The following AFF1 variants were observed in gnomAD, a reference collection of about 807,000 sequenced individuals.
AFF1 encodes the protein AF4/FMR2 family member 1.
In AFF1, 48 loss-of-function variants were observed where a neutral mutation model predicts 121.7. That is an observed-to-expected ratio of 0.39 (90% CI 0.31 to 0.50). The LOEUF (loss-of-function observed/expected upper bound fraction) is 0.50, where lower values mean the gene tolerates loss of function less well. AFF1 is among the 20% of genes least tolerant of loss of function. The pLI, the probability that AFF1 is intolerant of heterozygous loss-of-function variation, is 0.76. For missense variants in AFF1, 1,523 were observed against 1,511.7 expected (o/e 1.01, Z -0.12); for synonymous variants, 613 against 563.0 (o/e 1.09, Z -1.26).
intron 2 of AFF1, among the ~76,000 whole-genome samples, chr4:87,035,345 A>G (rs1201266813): frequency 6.6e-6 from 1 of 152,128 alleles, no homozygotes; most frequent in Non-Finnish European, 1.5e-5. Context: ...GCAGATCACG[A>G]GGTCAGGAGA....
At chr4:86,986,115 C>A (rs1224062765) in intron 2 of AFF1, among the ~76,000 whole-genome samples, 1 of 150,646 alleles carries the variant, frequency 6.6e-6, no homozygotes, top group Admixed American at 6.7e-5. Flanking sequence ...CTCTGTTGCC[C>A]AGGCTGGAGT....
intron 19 of AFF1, 101 bp from the exon 20 acceptor site, chr4:87,134,370 A>ATGTT: frequency 8.7e-7 from 1 of 1,154,880 alleles, no homozygotes; most frequent in Non-Finnish European, 1.2e-6. Context: ...GTGTATAGTG[A>ATGTT]AACTTTGTGT....
At chr4:87,004,126 G>A (rs891661322) in intron 2 of AFF1, among the ~76,000 whole-genome samples, 1 of 152,188 alleles carries the variant, frequency 6.6e-6, no homozygotes, top group Admixed American at 6.5e-5. Context: ...TCTGGAGTCT[G>A]TTTTTAACAT....
At chr4:86,962,029 AAT>A (rs1408286819) in intron 2 of AFF1, among the ~76,000 whole-genome samples, 3 of 152,188 alleles carry the variant, frequency 2.0e-5, no homozygotes, top group African/African-American at 7.2e-5. Context: ...ATTTGTCTAA[AAT>A]ATATGTTTTT....
intron 2 of AFF1, among the ~76,000 whole-genome samples, chr4:87,044,074 C>A (rs147853160): frequency 6.6e-6 from 1 of 152,234 alleles, no homozygotes; most frequent in East Asian, 1.9e-4. Flanking sequence ...CCTTGGCCTC[C>A]CAAAGTGCTG....
chr4:86,983,735 AAAAC>A lies in AFF1; in HGVS notation c.38+35168_38+35171del, dbSNP rs1426072520. On this transcript the variant is annotated intron_variant, in intron 2 of 20. Transcript: ENST00000395146. The stretch of plus-strand genomic sequence containing the variant: ...AATGAAAAACCAAAAAAAAAAACAA[AAAAC>A]AAATAAAATACTTTGTCGCCAGGCG... Among the ~76,000 whole-genome samples the A allele has an allele frequency of 1.1e-3, 171 of 149,232 alleles. 1 individual carries two copies. Among genetic ancestry groups the A allele is most frequent in the African/African-American group, 4.1e-3 (166 of 40,556 alleles).
intron 4 of AFF1, among the ~76,000 whole-genome samples, chr4:87,066,580 C>T (rs1297644153): frequency 6.6e-6 from 1 of 151,442 alleles, no homozygotes; most frequent in East Asian, 2.0e-4. Flanking sequence ...CACAGTGAGA[C>T]CCTGTCTCAA....
chr4:86,945,734 C>T (rs1720814061), intron 1 of AFF1, among the ~76,000 whole-genome samples: 1 of 151,866 alleles, frequency 6.6e-6, no homozygotes, highest in Admixed American at 6.6e-5. Context: ...TTAAGCAGTC[C>T]TTCTACCTTG....
intron 4 of AFF1, 42 bp from the exon 5 acceptor site, chr4:87,084,078 C>G (rs780923054): frequency 6.3e-7 from 1 of 1,596,960 alleles, no homozygotes; most frequent in Non-Finnish European, 8.6e-7. Flanking sequence ...TCACTCTTGA[C>G]TCTGGTTTGC....
At chr4:87,002,729 C>G (rs1032753458) in intron 2 of AFF1, among the ~76,000 whole-genome samples, 1 of 151,958 alleles carries the variant, frequency 6.6e-6, no homozygotes, top group South Asian at 2.1e-4. Flanking sequence ...GATTAACGGG[C>G]GATTTTACTC....
intron 2 of AFF1, among the ~76,000 whole-genome samples, chr4:86,982,753 C>G (rs533833991): frequency 1.4e-5 from 2 of 145,458 alleles, no homozygotes; most frequent in Non-Finnish European, 3.0e-5. Flanking sequence ...GAGGCTGAGG[C>G]AGGAGAATCG....
intron 2 of AFF1, among the ~76,000 whole-genome samples, chr4:87,044,403 C>T (rs926923766): frequency 6.6e-6 from 1 of 151,930 alleles, no homozygotes. Flanking sequence ...GCTAAATTTG[C>T]GAGGTTCGTT....
rs59568294 is a variant in AFF1, at chr4:86,982,848, C to CAAAAAAAA, written c.38+34297_38+34304dup. Among the ~76,000 whole-genome samples, 54 of 53,810 alleles carry CAAAAAAAA rather than the reference C, an allele frequency of 1.0e-3. 1 individual carries two copies. The highest frequency in any genetic ancestry group is 3.6e-3 in the African/African-American group (53 of 14,718). 35.3% of individuals were successfully genotyped at this position (53,810 alleles called of 152,430 possible). A position where few individuals can be genotyped will look rare whatever the true frequency, so the allele number is the denominator to read the frequency against. Reference sequence around the variant, plus strand: ...GGGCGACAGAGTAAGACTCTGTCTCCAAAAAAAAAAAAAAAAAAAAAAAAA... The same window carrying CAAAAAAAA: ...GGGCGACAGAGTAAGACTCTGTCTCCAAAAAAAAAAAAAAAAAAAAAAAAAAAAAAAAA... On this transcript the variant is annotated intron_variant, in intron 2 of 20. Transcript: ENST00000395146.
At chr4:87,107,548 G>C (rs1726039639) in intron 10 of AFF1, among the ~76,000 whole-genome samples, 1 of 152,118 alleles carries the variant, frequency 6.6e-6, no homozygotes, top group African/African-American at 2.4e-5. Flanking sequence ...ACCTTGCAAA[G>C]GAACACCATT....
At chr4:87,003,046 T>A (rs1725846266) in intron 2 of AFF1, among the ~76,000 whole-genome samples, 1 of 152,218 alleles carries the variant, frequency 6.6e-6, no homozygotes, top group African/African-American at 2.4e-5. Flanking sequence ...CAGTACTTTT[T>A]TAGCCACATA....
At chr4:86,991,960 T>C (rs1378268067) in intron 2 of AFF1, among the ~76,000 whole-genome samples, 3 of 150,984 alleles carry the variant, frequency 2.0e-5, no homozygotes, top group Non-Finnish European at 4.4e-5. Flanking sequence ...ACCATGATAA[T>C]ACATTACTAT....
rs371294651 is a variant in AFF1, at chr4:87,043,850, G to A, written c.39-2316G>A. Among the ~76,000 whole-genome samples, 347 of 151,148 alleles carry A rather than the reference G, an allele frequency of 2.3e-3. 2 individuals are homozygous for A. The Middle Eastern group carries it at 0.034, about 15-fold the overall frequency. On this transcript the variant is annotated intron_variant, in intron 2 of 20. Transcript: ENST00000395146. ...CTTTTTTTTTTTGAGACGGAGTCTC[G>A]CGCTGTTGCCCCGGCTGGAGTACAG...
chr4:86,947,040 A>G (rs751287787), intron 1 of AFF1, among the ~76,000 whole-genome samples: 3 of 152,180 alleles, frequency 2.0e-5, no homozygotes, highest in African/African-American at 7.2e-5. Context: ...AAGAGAGAGA[A>G]AGTGTGAGCA....
intron 2 of AFF1, chr4:87,007,504 G>A: frequency 1.3e-6 from 2 of 1,584,132 alleles, no homozygotes; most frequent in South Asian, 2.2e-5. Flanking sequence ...GCAGGGTGCG[G>A]GGAAGGAGAC....
Sources: allele counts gnomAD v4.1 joint callset (sites outside exome capture counted in the v4.1 genomes callset), GRCh38; gene constraint gnomAD v4.1.1; transcripts MANE v1.5; gene names NCBI Gene and HGNC (gene_info 2026-07-23, HGNC 2026-07-21).